The following MED12L variants were observed in gnomAD, a reference collection of about 807,000 sequenced individuals.
MED12L encodes the protein mediator complex subunit 12L.
In MED12L, 60 loss-of-function variants were observed where a neutral mutation model predicts 281.3. The observed-to-expected ratio is 0.21, with a 90% confidence interval of 0.17 to 0.26. MED12L has a LOEUF of 0.26. Ranked by LOEUF, MED12L falls within the 10% of genes least tolerant of loss-of-function variation. MED12L has a pLI of 1.00. For missense variants in MED12L, 2,146 were observed against 2,680.9 expected (o/e 0.80, Z 4.41); for synonymous variants, 974 against 987.2 (o/e 0.99, Z 0.25).
chr3:151,282,503 G>A (rs1169618389), intron 16 of MED12L, among the ~76,000 whole-genome samples: 2 of 152,110 alleles, frequency 1.3e-5, no homozygotes, highest in East Asian at 1.9e-4. Flanking sequence ...GAGGATTTTA[G>A]TAAAGGCCCG....
intron 16 of MED12L, among the ~76,000 whole-genome samples, chr3:151,343,096 G>T (rs977486673): frequency 1.3e-5 from 2 of 152,042 alleles, no homozygotes; most frequent in Admixed American, 6.6e-5. Context: ...CCACTAAGAG[G>T]CCCCAGTAGT....
At chr3:151,304,931 G>A (rs993110288) in intron 16 of MED12L, among the ~76,000 whole-genome samples, 2 of 152,116 alleles carry the variant, frequency 1.3e-5, no homozygotes, top group African/African-American at 4.8e-5. Context: ...TGAGGGGGGT[G>A]GATCCTTGCA....
chr3:151,287,346 G>A (rs900366572), intron 16 of MED12L, among the ~76,000 whole-genome samples: 2 of 152,156 alleles, frequency 1.3e-5, no homozygotes, highest in African/African-American at 2.4e-5. Context: ...TACTGCTGGG[G>A]TTGAGCTACA....
At position 151,376,187 on chromosome 3, in the gene MED12L, A is replaced by G. The variant is rs559878554; in HGVS notation, c.4026A>G (p.Gln1342=). ...IKECTEGDNL[Q]RQHIKRILQN... The stretch of plus-strand genomic sequence containing the variant: ...AATGTACCGAGGGGGACAATCTGCA[A>G]AGACAGCACATTAAGCGTATTCTTC... The change falls in exon 28 of 45, where the codon CAA becomes CAG. Residue 1342 remains glutamine, a synonymous_variant. Coordinates refer to ENST00000687756, the MANE Select transcript of MED12L (RefSeq NM_001393769.1). 6.3e-7 allele frequency: 1 copy of G among 1,595,460 alleles called. No homozygotes were observed. Among genetic ancestry groups the G allele is most frequent in the Middle Eastern group, 1.7e-4 (1 of 5,982 alleles).
intron 9 of MED12L, among the ~76,000 whole-genome samples, chr3:151,164,921 G>A (rs1576867263): frequency 1.3e-5 from 2 of 152,012 alleles, no homozygotes; most frequent in South Asian, 4.2e-4. Context: ...GTTAATGGGT[G>A]CAGCACACCA....
Position 151,160,121 on chromosome 3 carries a change from T to G in MED12L, c.1107+20T>G. The stretch of plus-strand genomic sequence containing the variant: ...TTGCAGGTAAGTCCTTGGCCCTTGT[T>G]ATTTTATGTTAAAATTCAATGTGGG... On this transcript the variant is annotated intron_variant, in intron 8 of 44. Transcript: ENST00000687756. 6.7e-7 allele frequency: 1 copy of G among 1,489,882 alleles called. No homozygotes were observed. Among genetic ancestry groups the G allele is most frequent in the East Asian group, 2.3e-5 (1 of 42,648 alleles). The allele number at this position is 1,489,882 out of a possible 1,614,324, so 92.3% of individuals were successfully genotyped here.
rs921245540 is a variant in MED12L, at chr3:151,225,797, C to T, written c.2250+32131C>T. 4.6e-5 allele frequency among the ~76,000 whole-genome samples: 7 copies of T among 152,332 alleles called. No homozygotes were observed. The South Asian group carries it at 1.5e-3, about 32-fold the overall frequency. On this transcript the variant is annotated intron_variant, in intron 16 of 44. Transcript: ENST00000687756. The stretch of plus-strand genomic sequence containing the variant: ...AGCATTTGATGTTTGACACTCACCA[C>T]ACTTCTCAGAAGCTGTCAGGGACCT...
At chr3:151,192,174 C>T (rs1210142295) in intron 14 of MED12L, among the ~76,000 whole-genome samples, 1 of 152,038 alleles carries the variant, frequency 6.6e-6, no homozygotes, top group Admixed American at 6.5e-5. Flanking sequence ...CCTGCTTTTT[C>T]TTTTCTATTC....
intron 16 of MED12L, among the ~76,000 whole-genome samples, chr3:151,336,072 A>T (rs1329558922): frequency 6.6e-6 from 1 of 152,136 alleles, no homozygotes; most frequent in Non-Finnish European, 1.5e-5. Context: ...GGGTGGAGGG[A>T]TGAGTCTGCC....
chr3:151,344,004 G>A (rs1752230749), intron 16 of MED12L, among the ~76,000 whole-genome samples: 1 of 152,124 alleles, frequency 6.6e-6, no homozygotes. Context: ...ATGTCTGCTA[G>A]CTTGGCTTTA....
At chr3:151,192,511 A>C (rs948239368) in intron 14 of MED12L, 39 bp from the exon 15 acceptor site, 1 of 1,419,534 alleles carries the variant, frequency 7.0e-7, no homozygotes, top group Non-Finnish European at 9.6e-7. Flanking sequence ...ATGAACTCCA[A>C]AACTTACAAT....
At chr3:151,209,771 A>G (rs1018827453) in intron 16 of MED12L, among the ~76,000 whole-genome samples, 2 of 152,218 alleles carry the variant, frequency 1.3e-5, no homozygotes, top group Non-Finnish European at 2.9e-5. Flanking sequence ...CTAATGACAC[A>G]TACTTGACTA....
At position 151,411,322 on chromosome 3, in the gene MED12L, G is replaced by A. The variant is rs780907082; in HGVS notation, c.5955G>A (p.Leu1985=). 6.2e-7 allele frequency: 1 copy of A among 1,614,212 alleles called. No individual in the cohort carries two copies. The highest frequency in any genetic ancestry group is 8.5e-7 in the Non-Finnish European group (1 of 1,180,030). The change falls in exon 41 of 45, where the codon TTG becomes TTA. Residue 1985 remains leucine, a synonymous_variant. Coordinates refer to ENST00000687756, the MANE Select transcript of MED12L (RefSeq NM_001393769.1). ...GYTMYGTQMP[L]QQTSQQQAGS... ...CAATGTATGGGACACAGATGCCTTT[G>A]CAGCAGACATCGCAGCAGCAGGCTG...
intron 16 of MED12L, among the ~76,000 whole-genome samples, chr3:151,313,341 A>G (rs1412434540): frequency 6.6e-6 from 1 of 152,208 alleles, no homozygotes; most frequent in Non-Finnish European, 1.5e-5. Flanking sequence ...TGGTACTAGT[A>G]TATGGTAAAT....
chr3:151,316,810 A>C (rs1329772747), intron 16 of MED12L: 1 of 152,248 alleles, frequency 6.6e-6, no homozygotes, highest in Non-Finnish European at 1.5e-5. Context: ...TTCTCCTGCC[A>C]GGCGACTACT....
At chr3:151,153,630 G>A (rs1454731892) in intron 5 of MED12L, among the ~76,000 whole-genome samples, 1 of 134,074 alleles carries the variant, frequency 7.5e-6, no homozygotes, top group African/African-American at 2.9e-5. Flanking sequence ...GTGAAGTGGT[G>A]TGATCTCGGC....
chr3:151,104,485 C>T (rs1336431338), intron 2 of MED12L, among the ~76,000 whole-genome samples: 1 of 152,152 alleles, frequency 6.6e-6, no homozygotes, highest in Non-Finnish European at 1.5e-5. Context: ...GCCGAGATGT[C>T]TGCTTATCCA....
chr3:151,412,881 T>G (rs1459915641), intron 41 of MED12L, among the ~76,000 whole-genome samples: 1 of 152,254 alleles, frequency 6.6e-6, no homozygotes, highest in East Asian at 1.9e-4. Context: ...TTAATATTCC[T>G]CGTTGTTAAA....
chr3:151,162,999 T>G (rs147860297), intron 8 of MED12L, among the ~76,000 whole-genome samples: 122 of 152,314 alleles, frequency 8.0e-4, no homozygotes, highest in Non-Finnish European at 1.6e-3. Context: ...AGACTAAGTG[T>G]AATTAGCTTA....
Sources: gnomAD v4.1 joint callset for allele counts (sites outside exome capture counted in the v4.1 genomes callset) on GRCh38, gnomAD v4.1.1 for gene constraint, MANE v1.5 for transcripts, NCBI Gene and HGNC (gene_info 2026-07-23, HGNC 2026-07-21) for gene names.